GDAP1L1: variants seen among roughly 807,000 people sequenced by gnomAD.
The protein encoded by GDAP1L1 is ganglioside induced differentiation associated protein 1 like 1, also known as ganglioside-induced differentiation-associated protein 1-like 1.
In GDAP1L1, 21 loss-of-function variants were observed where a neutral mutation model predicts 37.1. That is an observed-to-expected ratio of 0.57 (90% CI 0.40 to 0.81). The LOEUF (loss-of-function observed/expected upper bound fraction) is 0.81, where lower values mean the gene tolerates loss of function less well. GDAP1L1 is among the 40% of genes least tolerant of loss of function. The probability of loss-of-function intolerance (pLI) is 0.00; values close to 1 mark genes in which losing one functional copy is unlikely to be tolerated. For synonymous variants in GDAP1L1, 193 were observed against 209.1 expected (o/e 0.92, Z 0.67); for missense variants, 362 against 491.6 (o/e 0.74, Z 2.49).
At chr20:44,270,596 G>A (rs1429177922) in intron 5 of GDAP1L1, among the ~76,000 whole-genome samples, 2 of 152,214 alleles carry the variant, frequency 1.3e-5, no homozygotes, top group African/African-American at 2.4e-5. Flanking sequence ...CTGTCAGCTG[G>A]GGCTGCAATG....
intron 4 of GDAP1L1, 75 bp downstream of exon 4, chr20:44,263,402 G>A: frequency 9.9e-7 from 1 of 1,011,158 alleles, no homozygotes; most frequent in South Asian, 1.3e-5. Context: ...GAGAAACTAA[G>A]TAGAAGATCA....
At chr20:44,257,118 G>T (rs369985818) in intron 1 of GDAP1L1, 35 bp from the exon 2 acceptor site, 2 of 1,524,524 alleles carry the variant, frequency 1.3e-6, no homozygotes, top group African/African-American at 1.4e-5. Flanking sequence ...CCCTGTGTCC[G>T]CCCGCCTTCC....
Position 44,279,311 on chromosome 20 carries a change from G to A in GDAP1L1, c.*11G>A, listed in dbSNP as rs376912517. The A allele has an allele frequency of 2.1e-5, 33 of 1,542,266 alleles. No individual in the cohort carries two copies. The African/African-American group carries it at 3.1e-4, about 15-fold the overall frequency. ...AAAAAATACATCTAGGGCCAGGCCT[G>A]GGGCTTGGTGTCTGACTGTCGGTGT... is the stretch of plus-strand genomic sequence containing the variant. On this transcript the variant is annotated 3_prime_UTR_variant, in exon 6 of 6. Transcript: ENST00000342560.
chr20:44,265,462 G>A, intron 5 of GDAP1L1: 1 of 985,420 alleles, frequency 1.0e-6, no homozygotes, highest in Non-Finnish European at 1.2e-6. Flanking sequence ...ACAGCCTCCT[G>A]CACATGCATG....
chr20:44,270,445 C>T (rs1286128780), intron 5 of GDAP1L1, among the ~76,000 whole-genome samples: 1 of 152,178 alleles, frequency 6.6e-6, no homozygotes, highest in Admixed American at 6.5e-5. Flanking sequence ...GCTGGGATTA[C>T]AGGCGTGAGC....
In GDAP1L1 at chr20:44,257,186, T is replaced by C; in HGVS notation, c.214T>C (p.Cys72Arg). The change falls in exon 2 of 6, where the codon TGC (cysteine) becomes CGC (arginine). Residue 72 changes from cysteine to arginine, a missense_variant. By Grantham distance (180) the Cys-to-Arg change is radical. Around this residue, in one of 2 missense-constraint regions of GDAP1L1, gnomAD observed 277 missense variants for 337.1 expected, o/e 0.82. Coordinates refer to ENST00000342560, the MANE Select transcript of GDAP1L1 (RefSeq NM_024034.6). ...RLVIAEKGLV[C>R]EERDVSLPQS... ...GGTGATCGCCGAGAAGGGCCTGGTGTGCGAGGAGCGGGACGTGAGCCTGCC... is the reference window on the plus strand; with the variant it reads ...GGTGATCGCCGAGAAGGGCCTGGTGCGCGAGGAGCGGGACGTGAGCCTGCC... 1 of 1,605,130 alleles carries C rather than the reference T, an allele frequency of 6.2e-7. No individual in the cohort carries two copies. The highest frequency in any genetic ancestry group is 8.5e-7 in the Non-Finnish European group (1 of 1,176,982).
In GDAP1L1 at chr20:44,261,098, C is replaced by G. The variant is rs577847287; in HGVS notation, c.548-2132C>G. On this transcript the variant is annotated intron_variant, in intron 3 of 5. Coordinates refer to ENST00000342560, the MANE Select transcript of GDAP1L1 (RefSeq NM_024034.6). ...GCAGACCCAGCCCACCCCCTCTCTC[C>G]CCATCTTTCTCTGAGGAGGCAGAGA... Among the ~76,000 whole-genome samples, 15 of 152,312 alleles carry G rather than the reference C, an allele frequency of 9.8e-5. 1 individual carries two copies. Among genetic ancestry groups the G allele is most frequent in the African/African-American group, 3.6e-4 (15 of 41,562 alleles).
intron 5 of GDAP1L1, among the ~76,000 whole-genome samples, chr20:44,269,356 C>T (rs1167118787): frequency 6.6e-6 from 1 of 151,900 alleles, no homozygotes; most frequent in Non-Finnish European, 1.5e-5. Context: ...TGCAAAGTGG[C>T]ATGTGTACAG....
At chr20:44,247,245 G>A, upstream of GDAP1L1, 2 of 1,304,714 alleles carry the variant, frequency 1.5e-6, no homozygotes, top group South Asian at 1.2e-5. Flanking sequence ...GGGAGGAGAG[G>A]GGCAGGCTCG....
At chr20:44,277,228 A>G (rs1401178816) in intron 5 of GDAP1L1, among the ~76,000 whole-genome samples, 2 of 151,940 alleles carry the variant, frequency 1.3e-5, no homozygotes, top group Non-Finnish European at 2.9e-5. Flanking sequence ...CGGCCTCCCA[A>G]AGTGCTGGGA....
chr20:44,258,654 G>A (rs377653188), intron 3 of GDAP1L1, 47 bp downstream of exon 3: 66 of 1,410,496 alleles, frequency 4.7e-5, no homozygotes, highest in African/African-American at 5.7e-5. Flanking sequence ...CCCCCTTTGC[G>A]CCGCTCCTTT....
chr20:44,273,689 G>A (rs73907205), intron 5 of GDAP1L1, among the ~76,000 whole-genome samples: 1 of 152,118 alleles, frequency 6.6e-6, no homozygotes, highest in East Asian at 1.9e-4. Context: ...TTGTATTCAT[G>A]ACTGCAAGCC....
chr20:44,273,511 T>C (rs1476222654), intron 5 of GDAP1L1, among the ~76,000 whole-genome samples: 1 of 152,192 alleles, frequency 6.6e-6, no homozygotes, highest in Admixed American at 6.5e-5. Context: ...GATTCCCTGG[T>C]TCATCATTAG....
intron 5 of GDAP1L1, chr20:44,265,270 G>T (rs558524465): frequency 1.0e-6 from 1 of 985,294 alleles, no homozygotes; most frequent in African/African-American, 1.7e-5. Context: ...CCATGCTTTT[G>T]CTCCCACAGC....
At chr20:44,252,548 G>A (rs2073465327) in intron 1 of GDAP1L1, among the ~76,000 whole-genome samples, 1 of 152,210 alleles carries the variant, frequency 6.6e-6, no homozygotes, top group Non-Finnish European at 1.5e-5. Flanking sequence ...GCTGAGACAA[G>A]AGAATCGCTT....
intron 5 of GDAP1L1, among the ~76,000 whole-genome samples, chr20:44,266,712 T>G (rs2073766989): frequency 6.6e-6 from 1 of 152,134 alleles, no homozygotes; most frequent in Non-Finnish European, 1.5e-5. Flanking sequence ...GTGCTGCACA[T>G]GCCTGGTGTC....
intron 1 of GDAP1L1, among the ~76,000 whole-genome samples, chr20:44,248,253 G>A (rs1211903364): frequency 6.6e-6 from 1 of 152,212 alleles, no homozygotes; most frequent in African/African-American, 2.4e-5. Flanking sequence ...GCTTCCTGGG[G>A]GTAAGGCTGT....
At chr20:44,259,524 C>A (rs1279878028) in intron 3 of GDAP1L1, among the ~76,000 whole-genome samples, 1 of 139,806 alleles carries the variant, frequency 7.2e-6, no homozygotes, top group African/African-American at 2.7e-5. Context: ...GAGACAGGGT[C>A]TCCCTCTGTC....
intron 5 of GDAP1L1, among the ~76,000 whole-genome samples, chr20:44,267,625 A>C (rs1474275425): frequency 6.6e-6 from 1 of 151,906 alleles, no homozygotes; most frequent in East Asian, 1.9e-4. Flanking sequence ...AGAAAAAAAA[A>C]AAAAAAGGCA....
Sources: allele counts gnomAD v4.1 joint callset (sites outside exome capture counted in the v4.1 genomes callset), GRCh38; gene constraint gnomAD v4.1.1; regional missense constraint gnomAD v4.1.1; transcripts MANE v1.5; gene names NCBI Gene and HGNC (gene_info 2026-07-23, HGNC 2026-07-21).